The following MSRA variants were observed in gnomAD, a reference collection of about 807,000 sequenced individuals.
MSRA encodes methionine sulfoxide reductase A, also known as mitochondrial peptide methionine sulfoxide reductase.
In MSRA, 54 loss-of-function variants were observed where a neutral mutation model predicts 31.3. That is an observed-to-expected ratio of 1.73 (90% CI 1.39 to 2.17). The LOEUF (loss-of-function observed/expected upper bound fraction) is 2.17. Among genes scored for constraint, MSRA ranks in the 30% most tolerant of loss-of-function variants. The pLI is 0.00. For synonymous variants in MSRA, 169 were observed against 116.5 expected, an observed-to-expected ratio of 1.45 and a Z score of -2.90; for missense variants, 507 against 300.9, an observed-to-expected ratio of 1.69 and a Z score of -5.07.
intron 5 of MSRA, among the ~76,000 whole-genome samples, chr8:10,373,439 T>C (rs186474248): frequency 1.1e-3 from 167 of 152,350 alleles, no homozygotes; most frequent in African/African-American, 3.9e-3. Flanking sequence ...CGATCCCTGC[T>C]CACTGCAGCC....
At chr8:10,091,016 C>A (rs752017604) in intron 1 of MSRA, among the ~76,000 whole-genome samples, 3 of 152,146 alleles carry the variant, frequency 2.0e-5, no homozygotes, top group African/African-American at 7.2e-5. Flanking sequence ...TTTGTCAAAT[C>A]CTTTTCTGTG....
At chr8:10,383,255 A>G (rs1003791567) in intron 5 of MSRA, among the ~76,000 whole-genome samples, 1 of 152,206 alleles carries the variant, frequency 6.6e-6, no homozygotes, top group Non-Finnish European at 1.5e-5. Context: ...TGGGGGTCAC[A>G]GGTGGTGGCA....
chr8:10,351,846 C>T (rs1585557303), intron 5 of MSRA, among the ~76,000 whole-genome samples: 1 of 152,162 alleles, frequency 6.6e-6, no homozygotes, highest in Non-Finnish European at 1.5e-5. Flanking sequence ...GACTGCTTTT[C>T]CTAATAAACT....
chr8:10,254,591 G>A lies in MSRA; in HGVS notation c.331+9368G>A, dbSNP rs529182556. Among the ~76,000 whole-genome samples, 3 of 152,296 alleles carry A rather than the reference G, an allele frequency of 2.0e-5. No homozygotes were observed. In the South Asian group the frequency reaches 6.2e-4, roughly 32 times the overall value. ...CTCTGTCACAGTCCCATGAGATAGAGCAGCATCAGTGCTGCCCCTTACACA... is the reference window on the plus strand; with the variant it reads ...CTCTGTCACAGTCCCATGAGATAGAACAGCATCAGTGCTGCCCCTTACACA... On this transcript the variant is annotated intron_variant, in intron 3 of 5. Transcript: ENST00000317173.
chr8:10,096,231 C>T, intron 1 of MSRA: 2 of 1,212,216 alleles, frequency 1.6e-6, no homozygotes, highest in Non-Finnish European at 1.0e-6. Context: ...CTGTCCTAAA[C>T]TACATCCCCC....
intron 3 of MSRA, among the ~76,000 whole-genome samples, chr8:10,266,267 T>C (rs1274607990): frequency 2.0e-5 from 3 of 152,256 alleles, no homozygotes; most frequent in African/African-American, 7.2e-5. Context: ...GTATGGCCAG[T>C]CTTTTTACTT....
At chr8:10,142,480 C>T (rs900066078) in intron 1 of MSRA, among the ~76,000 whole-genome samples, 1 of 152,158 alleles carries the variant, frequency 6.6e-6, no homozygotes, top group African/African-American at 2.4e-5. Flanking sequence ...AAGTGGAAAG[C>T]CATGGATCAA....
At chr8:10,065,637 A>G (rs1338957434) in intron 1 of MSRA, among the ~76,000 whole-genome samples, 2 of 152,172 alleles carry the variant, frequency 1.3e-5, no homozygotes, top group Non-Finnish European at 2.9e-5. Context: ...AGCCTGAACT[A>G]TTTTTGTTCA....
intron 1 of MSRA, chr8:10,058,928 C>G (rs377593705): frequency 6.6e-6 from 1 of 152,096 alleles, no homozygotes; most frequent in Non-Finnish European, 1.5e-5. Context: ...TTAATTTCTC[C>G]CAGGCCACCT....
At position 10,406,569 on chromosome 8, in the gene MSRA, G is replaced by A. The variant is rs117764468; in HGVS notation, c.544-21579G>A. On this transcript the variant is annotated intron_variant, in intron 5 of 5. Transcript: ENST00000317173. ...GGTGTTGGTGCAGACAGGAATGGGG[G>A]CCACAGAGTCCTGGGTGTATTGGAG... Among the ~76,000 whole-genome samples, 1,193 of 152,278 alleles carry A rather than the reference G, an allele frequency of 7.8e-3. 18 individuals are homozygous for A. Among genetic ancestry groups the A allele is most frequent in the East Asian group, 0.036 (184 of 5,170 alleles).
chr8:10,100,781 G>A (rs990790579), intron 1 of MSRA, among the ~76,000 whole-genome samples: 3 of 152,230 alleles, frequency 2.0e-5, no homozygotes, highest in South Asian at 4.1e-4. Context: ...ACCTGTGTGT[G>A]TTCTGTATTG....
At chr8:10,213,045 A>T (rs1490973121) in intron 2 of MSRA, among the ~76,000 whole-genome samples, 1 of 152,160 alleles carries the variant, frequency 6.6e-6, no homozygotes, top group African/African-American at 2.4e-5. Context: ...AAACAATCCA[A>T]TTATACTCTT....
intron 1 of MSRA, among the ~76,000 whole-genome samples, chr8:10,131,654 C>A (rs187523981): frequency 7.0e-4 from 107 of 152,262 alleles, no homozygotes; most frequent in African/African-American, 2.3e-3. Context: ...AAATTTCTAT[C>A]CCTGGGAAGC....
chr8:10,397,295 A>G (rs996183144), intron 5 of MSRA, among the ~76,000 whole-genome samples: 8 of 152,206 alleles, frequency 5.3e-5, no homozygotes, highest in African/African-American at 1.9e-4. Context: ...CATACCCCTC[A>G]AAGGCCTTAG....
At chr8:10,407,622 G>A (rs1417321253) in intron 5 of MSRA, among the ~76,000 whole-genome samples, 2 of 152,158 alleles carry the variant, frequency 1.3e-5, no homozygotes, top group East Asian at 3.9e-4. Flanking sequence ...GAATGTCTCC[G>A]GGTTTGCACG....
chr8:10,316,529 T>G (rs1462657926), intron 4 of MSRA, among the ~76,000 whole-genome samples: 2 of 18,550 alleles, frequency 1.1e-4, no homozygotes, highest in African/African-American at 5.8e-4. Flanking sequence ...TGATGATCCC[T>G]CTCTCTCTCT....
chr8:10,399,389 G>C (rs1807301498), intron 5 of MSRA, among the ~76,000 whole-genome samples: 2 of 152,322 alleles, frequency 1.3e-5, no homozygotes, highest in African/African-American at 4.8e-5. Context: ...TATAGGATCA[G>C]GGGACAGATC....
intron 5 of MSRA, 60 bp from the exon 6 acceptor site, chr8:10,428,088 C>G: frequency 1.3e-6 from 2 of 1,555,826 alleles, no homozygotes; most frequent in Non-Finnish European, 1.7e-6. Context: ...TCAGTGCCAC[C>G]CCTCGCAGGT....
intron 3 of MSRA, among the ~76,000 whole-genome samples, chr8:10,254,627 G>T (rs1425663226): frequency 2.0e-5 from 3 of 152,190 alleles, no homozygotes; most frequent in Non-Finnish European, 2.9e-5. Flanking sequence ...GGTGCCAGGG[G>T]TCAGAGACAC....
Sources: gnomAD v4.1 joint callset for allele counts (sites outside exome capture counted in the v4.1 genomes callset) on GRCh38, gnomAD v4.1.1 for gene constraint, MANE v1.5 for transcripts, NCBI Gene and HGNC (gene_info 2026-07-23, HGNC 2026-07-21) for gene names.